The following SLC49A3 variants were observed in gnomAD, a reference collection of about 807,000 sequenced individuals.
The protein encoded by SLC49A3 is solute carrier family 49 member 3, also known as solute carrier family 49 member A3.
In SLC49A3, 50 loss-of-function variants were observed where a neutral mutation model predicts 43.8. The ratio of observed to expected loss-of-function variants is 1.14; its 90% CI spans 0.91 to 1.45. The LOEUF (loss-of-function observed/expected upper bound fraction) is 1.45, where lower values mean the gene tolerates loss of function less well. SLC49A3 is among the 40% of genes most tolerant of loss of function. The pLI is 0.00. For missense variants in SLC49A3, 906 were observed against 774.1 expected, an observed-to-expected ratio of 1.17 and a Z score of -2.02; for synonymous variants, 413 against 352.0, an observed-to-expected ratio of 1.17 and a Z score of -1.94.
At chr4:680,331 C>T (rs947321538), downstream of SLC49A3, among the ~76,000 whole-genome samples, 2 of 152,158 alleles carry the variant, frequency 1.3e-5, no homozygotes, top group Admixed American at 6.5e-5. Context: ...CAGGAGTGCC[C>T]GACAAGGCCT....
chr4:683,126 G>A, intron 8 of SLC49A3, 84 bp downstream of exon 8: 1 of 1,564,794 alleles, frequency 6.4e-7, no homozygotes, highest in Non-Finnish European at 8.7e-7. Context: ...AAGGGGCCTG[G>A]ACCACATGGT....
chr4:679,029 C>T (rs1437106360), downstream of SLC49A3: 4 of 1,613,376 alleles, frequency 2.5e-6, no homozygotes, highest in Non-Finnish European at 3.4e-6. Context: ...CCTATGCCTC[C>T]CTGGGTAGGT....
downstream of SLC49A3, chr4:679,118 C>G (rs752220129): frequency 8.9e-7 from 1 of 1,126,770 alleles, no homozygotes; most frequent in Non-Finnish European, 1.2e-6. Context: ...GGCCCCTCCT[C>G]GAATGGAGCC....
In SLC49A3 at chr4:686,270, C is replaced by T. The variant is rs141982941; in HGVS notation, c.327G>A (p.Gly109=). The part of the protein sequence containing the change: ...TILGAWLNFA[G]SVLRMVPCMV... Reference sequence around the variant, plus strand: ...TGCAGGGCACCATGCGTAGCACACTCCCGGCAAAGTTCAGCCACGCACCCA... The same window carrying T: ...TGCAGGGCACCATGCGTAGCACACTTCCGGCAAAGTTCAGCCACGCACCCA... The change falls in exon 3 of 10, where the codon GGG becomes GGA. Residue 109 remains glycine (G), a synonymous_variant. Transcript: ENST00000322224. 1.2e-3 allele frequency: 1,919 copies of T among 1,613,412 alleles called. No individual in the cohort carries two copies. Among genetic ancestry groups the T allele is most frequent in the Admixed American group, 1.6e-3 (99 of 60,032 alleles).
At chr4:680,861 A>G, downstream of SLC49A3, 1 of 638,546 alleles carries the variant, frequency 1.6e-6, no homozygotes. Flanking sequence ...GGAAAGTACC[A>G]GGCGCTGGCC....
In SLC49A3 at chr4:684,834, G is replaced by A. The variant is rs1240179177; in HGVS notation, c.608C>T (p.Ala203Val). 6.2e-6 allele frequency: 10 copies of A among 1,612,426 alleles called. No homozygotes were observed. The highest frequency in any genetic ancestry group is 8.5e-6 in the Non-Finnish European group (10 of 1,179,880). ...GGTGGACAGCAGGCAGACGACGCCA[G>A]CAGGGATGGTATAGACACCGAGCTG... is the stretch of plus-strand genomic sequence containing the variant. The part of the protein sequence containing the change: ...PLMLGVYTIP[A>V]GVVCLLSTIC... The change falls in exon 5 of 10, where the codon GCT (alanine) becomes GTT (valine). Residue 203 changes from alanine (A) to valine (V), a missense_variant. Coordinates refer to ENST00000322224, the MANE Select transcript of SLC49A3 (RefSeq NM_032219.4).
downstream of SLC49A3, chr4:676,857 T>G (rs907178765): frequency 3.0e-6 from 3 of 984,886 alleles, no homozygotes; most frequent in Middle Eastern, 1.0e-3. Context: ...CCTGGGCAGG[T>G]CATGCCTCCA....
intron 1 of SLC49A3, 103 bp from the exon 2 acceptor site, chr4:686,793 G>A (rs1171214039): frequency 5.6e-6 from 8 of 1,422,778 alleles, no homozygotes; most frequent in East Asian, 2.3e-5. Context: ...AGCCCCGTGA[G>A]GCCGAGGGGA....
chr4:679,939 G>T, downstream of SLC49A3: 2 of 1,613,798 alleles, frequency 1.2e-6, no homozygotes, highest in Non-Finnish European at 1.7e-6. Context: ...AGGACGACGA[G>T]CTGGACGCCA....
At chr4:681,597 GCCGCC>G (rs1252447237), downstream of SLC49A3, among the ~76,000 whole-genome samples, 2 of 109,258 alleles carry the variant, frequency 1.8e-5, no homozygotes, top group African/African-American at 7.1e-5. Context: ...TGCAGCCGCC[GCCGCC>G]CCGCCCCCTC....
At chr4:678,526 G>C (rs1394638492), downstream of SLC49A3, 4 of 1,455,924 alleles carry the variant, frequency 2.7e-6, no homozygotes, top group Non-Finnish European at 3.6e-6. Context: ...ATGCTCCTCA[G>C]CTGTCTGGCC....
downstream of SLC49A3, chr4:678,764 A>T (rs1277828116): frequency 6.2e-7 from 1 of 1,610,036 alleles, no homozygotes; most frequent in East Asian, 2.2e-5. Context: ...GAGTTCAAGG[A>T]GGTGAGACTT....
At chr4:679,824 C>A, downstream of SLC49A3, 1 of 1,067,088 alleles carries the variant, frequency 9.4e-7, no homozygotes, top group Non-Finnish European at 1.4e-6. Context: ...CCCTTCCCAT[C>A]TGCCTGCCTG....
Position 683,874 on chromosome 4 carries a change from A to C in SLC49A3, c.841-113T>G, listed in dbSNP as rs374311200. The stretch of plus-strand genomic sequence containing the variant: ...CGTGTGCTGTGCCCAAGGCCCAGGC[A>C]TAGCAACACAGCTTCCAGACGCACC... On this transcript the variant is annotated intron_variant, in intron 6 of 9. Transcript: ENST00000322224. The C allele has an allele frequency of 5.2e-4, 681 of 1,316,314 alleles. 9 individuals carry two copies. The African/African-American group carries it at 9.3e-3, about 18-fold the overall frequency. 81.5% of individuals were successfully genotyped at this position (1,316,314 alleles called of 1,614,324 possible).
At chr4:683,004 G>A (rs992076999) in intron 8 of SLC49A3, 114 bp from the exon 9 acceptor site, 3 of 1,124,528 alleles carry the variant, frequency 2.7e-6, no homozygotes, top group Non-Finnish European at 3.8e-6. Flanking sequence ...CCTCCTGAAG[G>A]CAGCACGCAG....
chr4:677,888 G>C, downstream of SLC49A3: 1 of 1,459,222 alleles, frequency 6.9e-7, no homozygotes, highest in Admixed American at 1.7e-5. Context: ...CAGCTGTCCA[G>C]TCCCCTGGGG....
At chr4:680,238 C>G (rs1251410330), downstream of SLC49A3, among the ~76,000 whole-genome samples, 1 of 152,206 alleles carries the variant, frequency 6.6e-6, no homozygotes, top group Non-Finnish European at 1.5e-5. Flanking sequence ...GTCGACACCT[C>G]TGTCCCTCAC....
chr4:677,764 G>A (rs764949937), downstream of SLC49A3, among the ~76,000 whole-genome samples: 125 of 152,170 alleles, frequency 8.2e-4, no homozygotes, highest in Non-Finnish European at 1.5e-3. Context: ...CGGGGTTCGG[G>A]GACAGGTGGA....
Position 683,527 on chromosome 4 carries a change from C to T in SLC49A3, c.993+82G>A, listed in dbSNP as rs1383163138. On this transcript the variant is annotated intron_variant, in intron 7 of 9. Coordinates refer to ENST00000322224, the MANE Select transcript of SLC49A3 (RefSeq NM_032219.4). ...CATGAGACAGTCCAGACCTCTGTTC[C>T]AGCCAAGCCGCCAACCGCCCTCTCC... 4.0e-6 allele frequency: 6 copies of T among 1,515,714 alleles called. No individual in the cohort carries two copies. In the African/African-American group the frequency reaches 4.1e-5, roughly 10 times the overall value. 93.9% of individuals were successfully genotyped at this position (1,515,714 alleles called of 1,614,324 possible). A position where few individuals can be genotyped will look rare whatever the true frequency, so the allele number is the denominator to read the frequency against.
Sources: gnomAD v4.1 joint callset for allele counts (sites outside exome capture counted in the v4.1 genomes callset) on GRCh38, gnomAD v4.1.1 for gene constraint, MANE v1.5 for transcripts, NCBI Gene and HGNC (gene_info 2026-07-23, HGNC 2026-07-21) for gene names.